Variants in ANKS1B observed in about 807,000 individuals in gnomAD.
The protein encoded by ANKS1B is ankyrin repeat and sterile alpha motif domain-containing protein 1B.
In ANKS1B, 36 loss-of-function variants were observed where a neutral mutation model predicts 148.3. That is an observed-to-expected ratio of 0.24 (90% CI 0.19 to 0.32). The LOEUF (loss-of-function observed/expected upper bound fraction) is 0.32, where lower values mean the gene tolerates loss of function less well. ANKS1B is among the 10% of genes least tolerant of loss of function. ANKS1B has a pLI of 1.00. For missense variants in ANKS1B, 1,157 were observed against 1,542.6 expected (o/e 0.75, Z 4.19); for synonymous variants, 542 against 560.8 (o/e 0.97, Z 0.47).
At chr12:99,151,622 A>C (rs581717) in intron 15 of ANKS1B, among the ~76,000 whole-genome samples, 128,729 of 152,074 alleles carry the variant, frequency 0.85, 55,044 homozygotes, top group East Asian at 0.99. Context: ...TAAAGATAAT[A>C]ATAGCTATGG....
chr12:99,889,119 G>C (rs1288815529), intron 1 of ANKS1B, among the ~76,000 whole-genome samples: 2 of 152,068 alleles, frequency 1.3e-5, no homozygotes, highest in Non-Finnish European at 2.9e-5. Context: ...ATTGCCAGTA[G>C]ATCCTCCCAT....
chr12:99,881,483 A>T (rs140815984), intron 1 of ANKS1B, among the ~76,000 whole-genome samples: 313 of 152,284 alleles, frequency 2.1e-3, no homozygotes, highest in African/African-American at 7.4e-3. Context: ...CAACTACAGG[A>T]TGTGTGTGGC....
chr12:99,565,037 T>C (rs1314176179), intron 9 of ANKS1B, among the ~76,000 whole-genome samples: 1 of 152,176 alleles, frequency 6.6e-6, no homozygotes, highest in Non-Finnish European at 1.5e-5. Context: ...TAGAATGTCA[T>C]TTACTTGAAA....
chr12:99,757,705 T>C (rs1348176547), intron 8 of ANKS1B, among the ~76,000 whole-genome samples: 1 of 152,032 alleles, frequency 6.6e-6, no homozygotes, highest in Non-Finnish European at 1.5e-5. Context: ...CTATCAGTGA[T>C]GGACTGAATA....
chr12:98,964,267 A>C (rs1334511189), intron 17 of ANKS1B, among the ~76,000 whole-genome samples: 9 of 152,188 alleles, frequency 5.9e-5, no homozygotes, highest in Non-Finnish European at 1.3e-4. Context: ...ATCCCAGTTA[A>C]AAAGGCTTTT....
At chr12:99,260,691 C>G (rs1253241307) in intron 12 of ANKS1B, among the ~76,000 whole-genome samples, 1 of 152,068 alleles carries the variant, frequency 6.6e-6, no homozygotes, top group Non-Finnish European at 1.5e-5. Flanking sequence ...TTCAACTCTG[C>G]GAGTGTTTCC....
Position 99,398,954 on chromosome 12 carries a change from A to G in ANKS1B, c.1756+677T>C, listed in dbSNP as rs144280794. On this transcript the variant is annotated intron_variant, in intron 12 of 26. Transcript: ENST00000683438. ...ATTTAAAATTAAGACTTTTGTCTCT[A>G]TATTGTATTTGTCTTTAACCCTTAT... Among the ~76,000 whole-genome samples the G allele has an allele frequency of 8.1e-3, 1,237 of 152,206 alleles. 24 individuals are homozygous for G. Among genetic ancestry groups the G allele is most frequent in the African/African-American group, 0.028 (1,183 of 41,534 alleles).
intron 12 of ANKS1B, among the ~76,000 whole-genome samples, chr12:99,325,819 A>G (rs1215537668): frequency 6.6e-6 from 1 of 152,116 alleles, no homozygotes; most frequent in African/African-American, 2.4e-5. Context: ...GTCCAGTCAA[A>G]GCAAAAGTGG....
chr12:98,846,390 CCT>C (rs1405577072), intron 17 of ANKS1B, among the ~76,000 whole-genome samples: 1 of 152,204 alleles, frequency 6.6e-6, no homozygotes, highest in Non-Finnish European at 1.5e-5. Context: ...ATTTTCTCTC[CCT>C]CTTTCTCTTG....
At chr12:99,288,825 G>A (rs2079505507) in intron 12 of ANKS1B, among the ~76,000 whole-genome samples, 1 of 151,840 alleles carries the variant, frequency 6.6e-6, no homozygotes, top group Non-Finnish European at 1.5e-5. Flanking sequence ...TCACTAAATA[G>A]ACAAAGGGAG....
chr12:99,595,990 CT>C, intron 9 of ANKS1B, among the ~76,000 whole-genome samples: 1 of 151,872 alleles, frequency 6.6e-6, no homozygotes, highest in East Asian at 1.9e-4. Flanking sequence ...ATATGAGATG[CT>C]GGGCTCCACA....
At chr12:98,847,342 T>C (rs7312653) in intron 17 of ANKS1B, among the ~76,000 whole-genome samples, 1 of 152,136 alleles carries the variant, frequency 6.6e-6, no homozygotes, top group Non-Finnish European at 1.5e-5. Flanking sequence ...GATTCCACAT[T>C]GAAGTGAGAT....
chr12:99,519,655 G>A (rs1433548026), intron 9 of ANKS1B, among the ~76,000 whole-genome samples: 1 of 151,908 alleles, frequency 6.6e-6, no homozygotes, highest in Non-Finnish European at 1.5e-5. Flanking sequence ...CAGATCATTG[G>A]CTCTTGTTTT....
intron 15 of ANKS1B, among the ~76,000 whole-genome samples, chr12:99,130,037 CTTTT>C (rs774212107): frequency 6.6e-6 from 1 of 151,246 alleles, no homozygotes; most frequent in Non-Finnish European, 1.5e-5. Flanking sequence ...ACACAATAAT[CTTTT>C]TTTTTGTCTT....
chr12:99,674,675 G>T (rs573917052), intron 8 of ANKS1B, among the ~76,000 whole-genome samples: 1 of 151,594 alleles, frequency 6.6e-6, no homozygotes. Context: ...AACAAAACAT[G>T]CGAATTGAAG....
At chr12:99,699,935 C>G (rs149366000) in intron 8 of ANKS1B, among the ~76,000 whole-genome samples, 9 of 152,254 alleles carry the variant, frequency 5.9e-5, no homozygotes, top group Admixed American at 5.9e-4. Context: ...ACAAATCCAG[C>G]TGCCTTAAAA....
intron 17 of ANKS1B, among the ~76,000 whole-genome samples, chr12:99,041,238 T>C (rs1424477733): frequency 6.6e-6 from 1 of 151,972 alleles, no homozygotes; most frequent in Non-Finnish European, 1.5e-5. Flanking sequence ...TCTAGAGGAG[T>C]CAAGTAACCT....
chr12:99,824,684 A>G (rs931832946), intron 2 of ANKS1B, among the ~76,000 whole-genome samples: 4 of 152,134 alleles, frequency 2.6e-5, no homozygotes, highest in African/African-American at 9.7e-5. Context: ...TCACTAAACC[A>G]TTAGGATACC....
intron 9 of ANKS1B, among the ~76,000 whole-genome samples, chr12:99,579,161 A>G (rs1429622135): frequency 6.6e-6 from 1 of 152,190 alleles, no homozygotes; most frequent in Admixed American, 6.5e-5. Flanking sequence ...GAAGATTGAA[A>G]CTGGATCCCT....
Sources: allele counts gnomAD v4.1 joint callset (sites outside exome capture counted in the v4.1 genomes callset), GRCh38; gene constraint gnomAD v4.1.1; transcripts MANE v1.5; gene names NCBI Gene and HGNC (gene_info 2026-07-23, HGNC 2026-07-21).